Variants in ZSWIM6 observed in about 807,000 individuals in gnomAD.
ZSWIM6 encodes the protein zinc finger SWIM domain-containing protein 6.
A neutral mutation model predicts 113.2 loss-of-function variants in ZSWIM6; 9 were observed. The ratio of observed to expected loss-of-function variants is 0.08; its 90% confidence interval spans 0.05 to 0.14. The LOEUF (loss-of-function observed/expected upper bound fraction) is 0.14, where lower values mean the gene tolerates loss of function less well. ZSWIM6 is among the 10% of genes least tolerant of loss of function. ZSWIM6 has a pLI of 1.00. For missense variants in ZSWIM6, 1,162 were observed against 1,552.2 expected (o/e 0.75, Z 4.22); for synonymous variants, 611 against 606.5 (o/e 1.01, Z -0.11).
chr5:61,392,518 G>T (rs1209901795), intron 1 of ZSWIM6, among the ~76,000 whole-genome samples: 1 of 152,182 alleles, frequency 6.6e-6, no homozygotes, highest in Non-Finnish European at 1.5e-5. Flanking sequence ...GCACGCATGT[G>T]TGCTCACATG....
intron 1 of ZSWIM6, among the ~76,000 whole-genome samples, chr5:61,373,381 T>TG (rs1320273053): frequency 1.4e-5 from 2 of 146,586 alleles, no homozygotes; most frequent in African/African-American, 5.1e-5. Flanking sequence ...TCTTTTTTTT[T>TG]TTTTTTTTTT....
chr5:61,451,748 T>G (rs1237336845), intron 1 of ZSWIM6, among the ~76,000 whole-genome samples: 1 of 152,172 alleles, frequency 6.6e-6, no homozygotes, highest in African/African-American at 2.4e-5. Flanking sequence ...CTGCATTGGT[T>G]TTTAGAAATT....
At chr5:61,414,169 G>A (rs1746198231) in intron 1 of ZSWIM6, among the ~76,000 whole-genome samples, 1 of 152,144 alleles carries the variant, frequency 6.6e-6, no homozygotes, top group African/African-American at 2.4e-5. Context: ...GAGGGCAAGA[G>A]TGGAAGCAAG....
intron 1 of ZSWIM6, among the ~76,000 whole-genome samples, chr5:61,378,627 C>G (rs779671164): frequency 4.6e-5 from 7 of 152,014 alleles, no homozygotes; most frequent in Admixed American, 1.3e-4. Context: ...GTGATCTCAG[C>G]TCACCACAAC....
intron 5 of ZSWIM6, among the ~76,000 whole-genome samples, chr5:61,523,153 A>T (rs149465223): frequency 1.6e-4 from 24 of 152,360 alleles, no homozygotes; most frequent in African/African-American, 5.3e-4. Context: ...ACATGCCTAC[A>T]GAGGAGGTCT....
At chr5:61,445,122 C>T (rs1271236305) in intron 1 of ZSWIM6, among the ~76,000 whole-genome samples, 1 of 152,202 alleles carries the variant, frequency 6.6e-6, no homozygotes, top group Admixed American at 6.5e-5. Flanking sequence ...TTGCATATGT[C>T]TAATTGCTGG....
chr5:61,356,824 A>G (rs1744925407), intron 1 of ZSWIM6, among the ~76,000 whole-genome samples: 1 of 143,836 alleles, frequency 7.0e-6, no homozygotes, highest in South Asian at 2.1e-4. Context: ...TAAATAAAAA[A>G]TATATATTTT....
chr5:61,364,541 C>G (rs1190168812), intron 1 of ZSWIM6, among the ~76,000 whole-genome samples: 1 of 152,178 alleles, frequency 6.6e-6, no homozygotes, highest in African/African-American at 2.4e-5. Context: ...CATCTATACT[C>G]ATTAGTTTAT....
intron 1 of ZSWIM6, among the ~76,000 whole-genome samples, chr5:61,354,925 AAAGT>A (rs745821761): frequency 1.6e-4 from 24 of 152,194 alleles, no homozygotes; most frequent in South Asian, 2.1e-4. Context: ...CTTTCTACTG[AAAGT>A]AAGAGCTATT....
chr5:61,406,933 G>A (rs1025539125), intron 1 of ZSWIM6, among the ~76,000 whole-genome samples: 13 of 152,186 alleles, frequency 8.5e-5, no homozygotes, highest in African/African-American at 2.9e-4. Flanking sequence ...GGCTGGTCTC[G>A]AACTCCTGAC....
chr5:61,482,605 T>G (rs1291622450), intron 2 of ZSWIM6, among the ~76,000 whole-genome samples: 1 of 152,220 alleles, frequency 6.6e-6, no homozygotes, highest in East Asian at 1.9e-4. Flanking sequence ...GGTACATGTC[T>G]TATTCCTAAA....
chr5:61,355,488 A>T (rs967821516), intron 1 of ZSWIM6, among the ~76,000 whole-genome samples: 1 of 126,400 alleles, frequency 7.9e-6, no homozygotes, highest in Non-Finnish European at 1.7e-5. Flanking sequence ...ACACACACAC[A>T]CACACACACT....
At chr5:61,375,090 A>C in intron 1 of ZSWIM6, 1 of 1,600,266 alleles carries the variant, frequency 6.2e-7, no homozygotes, top group Admixed American at 1.7e-5. Flanking sequence ...TCGGTGTGCT[A>C]CTGTGCGCGC....
intron 1 of ZSWIM6, among the ~76,000 whole-genome samples, chr5:61,360,254 C>A (rs1267353309): frequency 6.6e-6 from 1 of 152,174 alleles, no homozygotes; most frequent in African/African-American, 2.4e-5. Flanking sequence ...CCTTTTCTTT[C>A]TCTCACCTTG....
At chr5:61,357,092 G>T (rs1744930512) in intron 1 of ZSWIM6, among the ~76,000 whole-genome samples, 1 of 151,948 alleles carries the variant, frequency 6.6e-6, no homozygotes, top group Non-Finnish European at 1.5e-5. Context: ...TACTGACTGG[G>T]AAACTCTGGA....
At chr5:61,350,302 G>A (rs914820565) in intron 1 of ZSWIM6, among the ~76,000 whole-genome samples, 1 of 152,192 alleles carries the variant, frequency 6.6e-6, no homozygotes, top group Non-Finnish European at 1.5e-5. Flanking sequence ...TCAGAAGGAA[G>A]AGGGCAAGAT....
chr5:61,474,714 A>G lies in ZSWIM6; in HGVS notation c.1033+1677A>G, dbSNP rs369770517. ...AGCTCTAGAGTCTTCTGAGTATGAG[A>G]ATACTGCTATTTATTTGTCCTTGTT... is the stretch of plus-strand genomic sequence containing the variant. On this transcript the variant is annotated intron_variant, in intron 2 of 13. Coordinates refer to ENST00000252744, the MANE Select transcript of ZSWIM6 (RefSeq NM_020928.2). Among the ~76,000 whole-genome samples, 20 of 152,246 alleles carry G rather than the reference A, an allele frequency of 1.3e-4. No homozygotes were observed. The East Asian group carries it at 1.7e-3, about 13-fold the overall frequency.
intron 1 of ZSWIM6, among the ~76,000 whole-genome samples, chr5:61,438,006 T>C (rs1033353393): frequency 6.6e-6 from 1 of 152,158 alleles, no homozygotes; most frequent in Non-Finnish European, 1.5e-5. Flanking sequence ...CTGAACACTC[T>C]CAGTTTCCTG....
chr5:61,389,330 C>T (rs897739235), intron 1 of ZSWIM6, among the ~76,000 whole-genome samples: 7 of 151,340 alleles, frequency 4.6e-5, no homozygotes, highest in African/African-American at 1.7e-4. Context: ...CTGAGGCAGG[C>T]GGATCACGAG....
Sources: allele counts gnomAD v4.1 joint callset (sites outside exome capture counted in the v4.1 genomes callset), GRCh38; gene constraint gnomAD v4.1.1; transcripts MANE v1.5; gene names NCBI Gene and HGNC (gene_info 2026-07-23, HGNC 2026-07-21).